ADAMTS16: variants seen among roughly 807,000 people sequenced by gnomAD.
ADAMTS16 encodes A disintegrin and metalloproteinase with thrombospondin motifs 16.
A neutral mutation model predicts 145.8 loss-of-function variants in ADAMTS16; 94 were observed. The observed-to-expected ratio is 0.64, with a 90% CI of 0.55 to 0.77. The LOEUF (loss-of-function observed/expected upper bound fraction) is 0.77, where lower values mean the gene tolerates loss of function less well. Among genes scored for constraint, ADAMTS16 ranks in the 30% least tolerant of loss-of-function variants. ADAMTS16 has a pLI of 0.00. For synonymous variants in ADAMTS16, 659 were observed against 604.3 expected (o/e 1.09, Z -1.33); for missense variants, 1,585 against 1,591.5 (o/e 1.00, Z 0.07).
In ADAMTS16 at chr5:5,220,380, G is replaced by C. The variant is rs13169778; in HGVS notation, c.1606-2409G>C. On this transcript the variant is annotated intron_variant, in intron 10 of 22. Coordinates refer to ENST00000274181, the MANE Select transcript of ADAMTS16 (RefSeq NM_139056.4). ...TCACTGTGTTAGCCAGGATGATCTC[G>C]ATCTCCTGACCTCGTGATCCGCCCG... is the stretch of plus-strand genomic sequence containing the variant. Among the ~76,000 whole-genome samples, 463 of 150,846 alleles carry C rather than the reference G, an allele frequency of 3.1e-3. 11 individuals carry two copies. The highest frequency in any genetic ancestry group is 0.031 in the Middle Eastern group (9 of 294).
chr5:5,224,295 T>A (rs1480143282), intron 11 of ADAMTS16, among the ~76,000 whole-genome samples: 5 of 106,140 alleles, frequency 4.7e-5, no homozygotes, highest in African/African-American at 2.5e-4. Flanking sequence ...TTTCAGTTTC[T>A]TTTCTGTTTT....
chr5:5,309,636 G>A (rs1179788853), intron 21 of ADAMTS16, among the ~76,000 whole-genome samples: 2 of 152,196 alleles, frequency 1.3e-5, no homozygotes, highest in African/African-American at 4.8e-5. Context: ...CGTGGATACT[G>A]TGCATCTGTT....
At chr5:5,305,972 G>A (rs1740136270) in intron 20 of ADAMTS16, among the ~76,000 whole-genome samples, 1 of 152,238 alleles carries the variant, frequency 6.6e-6, no homozygotes, top group African/African-American at 2.4e-5. Context: ...TGCAACTGGA[G>A]CAGCTCAAGC....
intron 6 of ADAMTS16, among the ~76,000 whole-genome samples, chr5:5,188,196 G>T (rs1352488195): frequency 1.3e-5 from 2 of 152,156 alleles, no homozygotes; most frequent in Non-Finnish European, 2.9e-5. Context: ...TAAATGTTTT[G>T]TGGTCTTGAA....
chr5:5,182,260 C>G lies in ADAMTS16; in HGVS notation c.718C>G (p.Leu240Val). 2 of 1,613,904 alleles carry G rather than the reference C, an allele frequency of 1.2e-6. No homozygotes were observed. Among genetic ancestry groups the G allele is most frequent in the Non-Finnish European group, 1.7e-6 (2 of 1,179,818 alleles). The change falls in exon 4 of 23, where the codon CTG (leucine) becomes GTG (valine). Residue 240 changes from leucine (L) to valine (V), a missense_variant. Transcript: ENST00000274181. Reference sequence around the variant, plus strand: ...ACCCCTGCACAGCAGCGACCTTCGCCTGGGACTGCCACAAAAGCAGCATTT... The same window carrying G: ...ACCCCTGCACAGCAGCGACCTTCGCGTGGGACTGCCACAAAAGCAGCATTT... ...HQPLHSSDLR[L>V]GLPQKQHFCG...
At chr5:5,312,447 TA>T (rs1187052673) in intron 21 of ADAMTS16, among the ~76,000 whole-genome samples, 1 of 114,926 alleles carries the variant, frequency 8.7e-6, no homozygotes, top group African/African-American at 3.3e-5. Flanking sequence ...TTGTTGTTGT[TA>T]TTTTTTTTTT....
At chr5:5,277,622 A>G (rs997635132) in intron 18 of ADAMTS16, among the ~76,000 whole-genome samples, 1 of 152,192 alleles carries the variant, frequency 6.6e-6, no homozygotes. Flanking sequence ...ACGCCAAATG[A>G]AATTCCAATA....
chr5:5,222,894 T>C lies in ADAMTS16; in HGVS notation c.1701+10T>C. ...TTGTGGGCATGACATGGTAAGAAGC[T>C]AACTGTAGGTACAGCATCGTATTCA... On this transcript the variant is annotated intron_variant, in intron 11 of 22. Coordinates refer to ENST00000274181, the MANE Select transcript of ADAMTS16 (RefSeq NM_139056.4). 1 of 1,612,400 alleles carries C rather than the reference T, an allele frequency of 6.2e-7. No homozygotes were observed. The highest frequency in any genetic ancestry group is 8.5e-7 in the Non-Finnish European group (1 of 1,178,442).
intron 18 of ADAMTS16, among the ~76,000 whole-genome samples, chr5:5,301,472 C>T (rs1335491850): frequency 6.6e-6 from 1 of 152,330 alleles, no homozygotes; most frequent in African/African-American, 2.4e-5. Context: ...ACAGAAAGCA[C>T]TGGAAGCAAC....
At chr5:5,165,653 A>T (rs1237774633) in intron 3 of ADAMTS16, among the ~76,000 whole-genome samples, 1 of 152,194 alleles carries the variant, frequency 6.6e-6, no homozygotes, top group African/African-American at 2.4e-5. Context: ...TTAAATAGAG[A>T]AAACAGCTGA....
At chr5:5,256,291 A>G (rs1010637799) in intron 17 of ADAMTS16, among the ~76,000 whole-genome samples, 2 of 152,212 alleles carry the variant, frequency 1.3e-5, no homozygotes, top group Admixed American at 6.5e-5. Flanking sequence ...AAGTCTTGCA[A>G]TATGCACTGC....
At chr5:5,258,782 A>G (rs2964402) in intron 17 of ADAMTS16, among the ~76,000 whole-genome samples, 150,210 of 152,278 alleles carry the variant, frequency 0.99, 74,115 homozygotes, top group East Asian at 1. Context: ...CAGAAAAAAT[A>G]GGCTTTTAAT....
intron 18 of ADAMTS16, among the ~76,000 whole-genome samples, chr5:5,275,556 TTC>T (rs1738654277): frequency 6.6e-6 from 1 of 152,190 alleles, no homozygotes; most frequent in Admixed American, 6.5e-5. Flanking sequence ...TTTCCATTTT[TTC>T]TCTTAGTTTT....
At chr5:5,161,337 C>A (rs1274923947) in intron 3 of ADAMTS16, among the ~76,000 whole-genome samples, 1 of 152,158 alleles carries the variant, frequency 6.6e-6, no homozygotes, top group Non-Finnish European at 1.5e-5. Flanking sequence ...ATCTTGATTT[C>A]AAAGTCAACA....
intron 16 of ADAMTS16, among the ~76,000 whole-genome samples, chr5:5,240,764 G>C (rs1384125072): frequency 1.3e-5 from 2 of 152,084 alleles, no homozygotes; most frequent in Admixed American, 1.3e-4. Context: ...ATCTCCACAG[G>C]TCCTACTTCC....
At chr5:5,217,822 G>C (rs1736479228) in intron 10 of ADAMTS16, among the ~76,000 whole-genome samples, 1 of 152,216 alleles carries the variant, frequency 6.6e-6, no homozygotes, top group South Asian at 2.1e-4. Flanking sequence ...TTCTGCCCAA[G>C]TTAGGTATTT....
intron 18 of ADAMTS16, among the ~76,000 whole-genome samples, chr5:5,296,651 C>T (rs1013730772): frequency 1.3e-5 from 2 of 152,106 alleles, no homozygotes; most frequent in Non-Finnish European, 2.9e-5. Flanking sequence ...GAGCCAAGGC[C>T]GTTCAATTTC....
At chr5:5,220,208 A>G (rs1474106945) in intron 10 of ADAMTS16, among the ~76,000 whole-genome samples, 1 of 138,432 alleles carries the variant, frequency 7.2e-6, no homozygotes, top group African/African-American at 2.8e-5. Context: ...CACCCAGTCT[A>G]GAGTACAGTG....
At chr5:5,195,643 A>T (rs891160603) in intron 8 of ADAMTS16, among the ~76,000 whole-genome samples, 1 of 152,202 alleles carries the variant, frequency 6.6e-6, no homozygotes, top group Non-Finnish European at 1.5e-5. Context: ...TTGCATTATC[A>T]CTTGAGACCA....
Sources: allele counts gnomAD v4.1 joint callset (sites outside exome capture counted in the v4.1 genomes callset), GRCh38; gene constraint gnomAD v4.1.1; transcripts MANE v1.5; gene names NCBI Gene and HGNC (gene_info 2026-07-23, HGNC 2026-07-21).